The following SEPHS1 variants were observed in gnomAD, a reference collection of about 807,000 sequenced individuals.
The protein encoded by SEPHS1 is zincore component SEPHS1.
SEPHS1 carries 7 observed loss-of-function variants against 39.2 expected under a neutral mutation model. The observed-to-expected ratio is 0.18, with a 90% CI of 0.10 to 0.34. The LOEUF (loss-of-function observed/expected upper bound fraction) is 0.34, where lower values mean the gene tolerates loss of function less well. Among genes scored for constraint, SEPHS1 ranks in the 10% least tolerant of loss-of-function variants. SEPHS1 has a pLI of 1.00. For missense variants in SEPHS1, 253 were observed against 514.5 expected, an observed-to-expected ratio of 0.49 and a Z score of 4.92; for synonymous variants, 190 against 195.5, an observed-to-expected ratio of 0.97 and a Z score of 0.23.
intron 2 of SEPHS1, among the ~76,000 whole-genome samples, chr10:13,340,384 G>A (rs181612519): frequency 7.4e-4 from 113 of 152,202 alleles, no homozygotes; most frequent in Admixed American, 1.2e-3. Context: ...ATCTGTCAGA[G>A]GAGAACGTGT....
At chr10:13,324,857 T>G (rs1174751691) in intron 7 of SEPHS1, among the ~76,000 whole-genome samples, 2 of 152,218 alleles carry the variant, frequency 1.3e-5, no homozygotes, top group Non-Finnish European at 2.9e-5. Context: ...TTAGCCATTC[T>G]AACAGGTATG....
chr10:13,345,146 A>G, intron 1 of SEPHS1, 118 bp from the exon 2 acceptor site: 1 of 446,450 alleles, frequency 2.2e-6, no homozygotes, highest in Non-Finnish European at 4.0e-6. Flanking sequence ...AATCATCAAG[A>G]CCACTTATAT....
chr10:13,329,776 T>C lies in SEPHS1; in HGVS notation c.573A>G (p.Ala191=), dbSNP rs147813777. ...TCAGCACCAGCACGTCCCCTGGCAC[T>C]GCATTGTCTGGCCTGAAGAAAAGAA... ...QPNEFIMPDN[A]VPGDVLVLTK... Residue 191 remains alanine, a synonymous_variant, in exon 6 of 9, where the codon GCA becomes GCG. Transcript: ENST00000327347. 2 of 1,608,408 alleles carry C rather than the reference T, an allele frequency of 1.2e-6. No individual in the cohort carries two copies. Among genetic ancestry groups the C allele is most frequent in the Admixed American group, 1.7e-5 (1 of 58,994 alleles).
chr10:13,319,346 C>G lies in SEPHS1; in HGVS notation c.975G>C (p.Leu325=). ...CTGCTTGCTCACGTGGTAAACAGAT[C>G]AGAAGGCCGCCTGGCAAAAGAAAAC... The part of the protein sequence containing the change: ...GTCPETSGGL[L]ICLPREQAAR... Residue 325 remains leucine (L), a synonymous_variant, in exon 9 of 9, where the codon CTG becomes CTC. Coordinates refer to ENST00000327347, the MANE Select transcript of SEPHS1 (RefSeq NM_012247.5). 1 of 1,612,448 alleles carries G rather than the reference C, an allele frequency of 6.2e-7. No individual in the cohort carries two copies. Among genetic ancestry groups the G allele is most frequent in the Non-Finnish European group, 8.5e-7 (1 of 1,179,668 alleles).
At chr10:13,327,111 C>T (rs1437105816) in intron 7 of SEPHS1, among the ~76,000 whole-genome samples, 3 of 151,676 alleles carry the variant, frequency 2.0e-5, no homozygotes, top group Non-Finnish European at 4.4e-5. Flanking sequence ...GGTGATGATG[C>T]GTGCCTGTAG....
At chr10:13,327,990 G>A (rs1385580770) in intron 7 of SEPHS1, among the ~76,000 whole-genome samples, 2 of 152,064 alleles carry the variant, frequency 1.3e-5, no homozygotes, top group African/African-American at 4.8e-5. Context: ...GTGGGAGTGG[G>A]GGCACTTCTA....
Position 13,344,760 on chromosome 10 carries a change from A to C in SEPHS1, c.191T>G (p.Leu64Arg). The change falls in exon 2 of 9, where the codon CTT (leucine) becomes CGT (arginine). Residue 64 changes from leucine (L) to arginine (R), a missense_variant and splice_region_variant. Physicochemically the swap from Leu to Arg is moderately radical, Grantham distance 102. Around this residue, in one of 4 missense-constraint regions of SEPHS1, gnomAD observed 123 missense variants for 196.8 expected, o/e 0.62. Coordinates refer to ENST00000327347, the MANE Select transcript of SEPHS1 (RefSeq NM_012247.5). ...CAAAGAAACACTGGGTTACCTACCA[A>C]GCCTTGGCATAACGGCTCCCAGAAA... ...EQFLGAVMPRLGIGMDTCVIP... is the reference protein window; with the variant it reads ...EQFLGAVMPRRGIGMDTCVIP... 2 of 1,514,004 alleles carry C rather than the reference A, an allele frequency of 1.3e-6. No individual in the cohort carries two copies. The highest frequency in any genetic ancestry group is 1.4e-5 in the African/African-American group (1 of 72,194). 93.8% of individuals were successfully genotyped at this position (1,514,004 alleles called of 1,614,324 possible).
At chr10:13,332,623 C>T (rs1833505471) in intron 5 of SEPHS1, among the ~76,000 whole-genome samples, 1 of 152,084 alleles carries the variant, frequency 6.6e-6, no homozygotes, top group Non-Finnish European at 1.5e-5. Context: ...GCGGTCGGAT[C>T]ATGAGATCAG....
At chr10:13,344,142 C>T (rs1430150705) in intron 2 of SEPHS1, among the ~76,000 whole-genome samples, 18 of 152,290 alleles carry the variant, frequency 1.2e-4, no homozygotes, top group African/African-American at 4.1e-4. Flanking sequence ...ACACGCTTTT[C>T]GCCCGATGCA....
At chr10:13,325,347 C>T (rs540493327) in intron 7 of SEPHS1, among the ~76,000 whole-genome samples, 14 of 152,250 alleles carry the variant, frequency 9.2e-5, no homozygotes, top group Admixed American at 2.6e-4. Flanking sequence ...AATCTCATCT[C>T]GAATTGTAAT....
At chr10:13,331,196 G>A (rs540419152) in intron 5 of SEPHS1, among the ~76,000 whole-genome samples, 7 of 152,220 alleles carry the variant, frequency 4.6e-5, no homozygotes, top group South Asian at 2.1e-4. Flanking sequence ...AGTATTCCAC[G>A]GTGTGTATGT....
At position 13,344,990 on chromosome 10, in the gene SEPHS1, C is replaced by T. The variant is rs1833884612; in HGVS notation, c.-40G>A. 7.1e-7 allele frequency: 1 copy of T among 1,404,148 alleles called. No homozygotes were observed. The highest frequency in any genetic ancestry group is 2.5e-5 in the Admixed American group (1 of 39,658). 87.0% of individuals were successfully genotyped at this position (1,404,148 alleles called of 1,614,324 possible). On this transcript the variant is annotated 5_prime_UTR_variant, in exon 2 of 9. Transcript: ENST00000327347. Reference sequence around the variant, plus strand: ...GCTCTCCTCACAGCTCAGCCCCTCCCCTCCCTCTGCGGGTTGGCTGGGTTC... The same window carrying T: ...GCTCTCCTCACAGCTCAGCCCCTCCTCTCCCTCTGCGGGTTGGCTGGGTTC...
At chr10:13,328,513 A>T (rs1833372438) in intron 6 of SEPHS1, 63 bp from the exon 7 acceptor site, 3 of 1,175,362 alleles carry the variant, frequency 2.6e-6, no homozygotes, top group Non-Finnish European at 2.5e-6. Context: ...CTTTACTTCT[A>T]GCAACTGAGA....
intron 8 of SEPHS1, among the ~76,000 whole-genome samples, chr10:13,321,603 G>T (rs1436998798): frequency 6.6e-6 from 1 of 152,106 alleles, no homozygotes; most frequent in East Asian, 1.9e-4. Flanking sequence ...TAGAGGAAAG[G>T]AAATAGAAAA....
chr10:13,333,713 C>CAT, intron 5 of SEPHS1, 104 bp downstream of exon 5: 1 of 1,191,434 alleles, frequency 8.4e-7, no homozygotes, highest in East Asian at 2.5e-5. Flanking sequence ...AGTCTGGGAT[C>CAT]ATATGTGTGA....
chr10:13,345,720 T>C (rs1169642785), intron 1 of SEPHS1, among the ~76,000 whole-genome samples: 2 of 152,002 alleles, frequency 1.3e-5, no homozygotes, highest in Non-Finnish European at 2.9e-5. Context: ...CTACTAAAAA[T>C]ACAAAAATTA....
chr10:13,333,778 A>AGG, intron 5 of SEPHS1, 39 bp downstream of exon 5: 1 of 1,601,988 alleles, frequency 6.2e-7, no homozygotes, highest in Middle Eastern at 1.8e-4. Flanking sequence ...ACAGAGAGAG[A>AGG]AAAACAGGTC....
At chr10:13,337,402 C>T (rs2130680859) in intron 3 of SEPHS1, among the ~76,000 whole-genome samples, 2 of 152,064 alleles carry the variant, frequency 1.3e-5, no homozygotes, top group South Asian at 4.2e-4. Flanking sequence ...GTTAAGTTGC[C>T]CTTATCTAAA....
At chr10:13,331,997 A>G (rs1588540084) in intron 5 of SEPHS1, among the ~76,000 whole-genome samples, 1 of 152,264 alleles carries the variant, frequency 6.6e-6, no homozygotes, top group East Asian at 1.9e-4. Flanking sequence ...TGATTCCTCA[A>G]GTTAAACATA....
Sources: gnomAD v4.1 joint callset for allele counts (sites outside exome capture counted in the v4.1 genomes callset) on GRCh38, gnomAD v4.1.1 for gene constraint, gnomAD v4.1.1 regional missense constraint, MANE v1.5 for transcripts, NCBI Gene and HGNC (gene_info 2026-07-23, HGNC 2026-07-21) for gene names.